Variants in PTPRT observed in about 807,000 individuals in gnomAD.
PTPRT encodes the protein protein tyrosine phosphatase receptor type T.
In PTPRT, 56 loss-of-function variants were observed where a neutral mutation model predicts 176.8. The observed-to-expected ratio is 0.32, with a 90% confidence interval of 0.26 to 0.40. The LOEUF is 0.40. PTPRT is among the 10% of genes least tolerant of loss of function. The pLI is 1.00. For synonymous variants in PTPRT, 783 were observed against 739.0 expected, an observed-to-expected ratio of 1.06 and a Z score of -0.96; for missense variants, 1,540 against 1,908.2, an observed-to-expected ratio of 0.81 and a Z score of 3.60.
At chr20:42,632,435 G>C (rs1261776298) in intron 7 of PTPRT, among the ~76,000 whole-genome samples, 1 of 151,916 alleles carries the variant, frequency 6.6e-6, no homozygotes, top group Non-Finnish European at 1.5e-5. Flanking sequence ...ATATTGGTTA[G>C]GCTGGTCTCG....
intron 8 of PTPRT, among the ~76,000 whole-genome samples, chr20:42,450,895 A>ACTC (rs534150816): frequency 4.5e-4 from 68 of 152,296 alleles, no homozygotes; most frequent in Non-Finnish European, 8.5e-4. Flanking sequence ...TTTAATCAGG[A>ACTC]CTCTGACATA....
chr20:42,530,236 C>G (rs540206643), intron 7 of PTPRT, among the ~76,000 whole-genome samples: 47 of 152,310 alleles, frequency 3.1e-4, no homozygotes, highest in Non-Finnish European at 5.9e-4. Flanking sequence ...CTGAAAGGAG[C>G]CCAGCCTTTA....
At chr20:42,406,649 T>C (rs2058963710) in intron 9 of PTPRT, among the ~76,000 whole-genome samples, 2 of 152,052 alleles carry the variant, frequency 1.3e-5, no homozygotes, top group Admixed American at 6.6e-5. Context: ...ATTTTATATA[T>C]CCAACATAAT....
chr20:42,377,368 C>G, intron 9 of PTPRT, among the ~76,000 whole-genome samples: 1 of 152,272 alleles, frequency 6.6e-6, no homozygotes, highest in African/African-American at 2.4e-5. Flanking sequence ...ACGTGGTGGT[C>G]CCTCTGGGCA....
At position 42,111,019 on chromosome 20, in the gene PTPRT, T is replaced by C. The variant is rs541706168; in HGVS notation, c.3100-532A>G. 1.2e-4 allele frequency among the ~76,000 whole-genome samples: 18 copies of C among 152,278 alleles called. No individual in the cohort carries two copies. In the South Asian group the frequency reaches 3.7e-3, roughly 32 times the overall value. Reference sequence around the variant, plus strand: ...ACTTCTTTATTAAGTAGATTCTTACTTAGAATGATTACATAAGATGCGAAA... The same window carrying C: ...ACTTCTTTATTAAGTAGATTCTTACCTAGAATGATTACATAAGATGCGAAA... On this transcript the variant is annotated intron_variant, in intron 22 of 30. Coordinates refer to ENST00000373187, the MANE Select transcript of PTPRT (RefSeq NM_007050.6).
chr20:42,707,785 C>T (rs1203294468), intron 6 of PTPRT, among the ~76,000 whole-genome samples: 2 of 152,172 alleles, frequency 1.3e-5, no homozygotes, highest in African/African-American at 4.8e-5. Flanking sequence ...AATACCCCAT[C>T]TCGAAAATCA....
At chr20:42,162,666 C>A (rs1022174541) in intron 16 of PTPRT, among the ~76,000 whole-genome samples, 95 of 152,242 alleles carry the variant, frequency 6.2e-4, no homozygotes, top group African/African-American at 2.2e-3. Flanking sequence ...ATGTGTCTCC[C>A]CCAGATGTTT....
intron 30 of PTPRT, 134 bp downstream of exon 30, chr20:42,081,748 A>C: frequency 1.7e-6 from 2 of 1,204,166 alleles, no homozygotes; most frequent in South Asian, 2.8e-5. Context: ...ACAACAGTGC[A>C]TACCAAGGGC....
intron 1 of PTPRT, among the ~76,000 whole-genome samples, chr20:43,052,520 A>T (rs1201881051): frequency 1.3e-5 from 2 of 152,256 alleles, no homozygotes; most frequent in African/African-American, 4.8e-5. Flanking sequence ...TAATTGCACA[A>T]TTCTGAACTT....
the PTPRT span, among the ~76,000 whole-genome samples, chr20:42,041,374 G>A: frequency 0.61 from 92,240 of 152,026 alleles, 28,678 homozygotes; most frequent in African/African-American, 0.73. Flanking sequence ...GGAATGGTGA[G>A]CATTTCTGCC....
rs550455910 is a variant in PTPRT, at chr20:42,364,519, AT to A, written c.1561-12235del. Reference sequence around the variant, plus strand: ...CTCCTTCTTACTAGAAGAGATGAACATTTTTTTTTCTCCCTTCTTGGTTAAA... The same window carrying A: ...CTCCTTCTTACTAGAAGAGATGAACATTTTTTTTCTCCCTTCTTGGTTAAA... On this transcript the variant is annotated intron_variant, in intron 9 of 30. Transcript: ENST00000373187. Among the ~76,000 whole-genome samples, 517 of 151,508 alleles carry A rather than the reference AT, an allele frequency of 3.4e-3. 3 individuals carry two copies. The highest frequency in any genetic ancestry group is 0.012 in the African/African-American group (484 of 41,326).
intron 1 of PTPRT, among the ~76,000 whole-genome samples, chr20:43,021,374 C>T (rs972162472): frequency 6.6e-6 from 1 of 152,144 alleles, no homozygotes; most frequent in Admixed American, 6.5e-5. Context: ...CTGGTCTTTT[C>T]CCTCAGGTTA....
chr20:42,517,268 A>T (rs975642693), intron 7 of PTPRT, among the ~76,000 whole-genome samples: 1 of 152,082 alleles, frequency 6.6e-6, no homozygotes, highest in African/African-American at 2.4e-5. Flanking sequence ...TTTTTCTACA[A>T]TTCACTCATT....
At chr20:42,292,729 A>G (rs547996565) in intron 12 of PTPRT, among the ~76,000 whole-genome samples, 1 of 152,280 alleles carries the variant, frequency 6.6e-6, no homozygotes, top group East Asian at 1.9e-4. Context: ...TTTGGAAAAC[A>G]GGCTAAGTGG....
intron 15 of PTPRT, among the ~76,000 whole-genome samples, chr20:42,211,638 C>T (rs2055632439): frequency 6.8e-6 from 1 of 147,764 alleles, no homozygotes; most frequent in Non-Finnish European, 1.5e-5. Context: ...ATTAAAAAGT[C>T]AGGAAACAAC....
rs1988321725 is a variant in PTPRT at position 42,135,361 on chromosome 20, T to C, written c.2771-6531A>G. On this transcript the variant is annotated intron_variant, in intron 18 of 30. Coordinates refer to ENST00000373187, the MANE Select transcript of PTPRT (RefSeq NM_007050.6). Reference sequence around the variant, plus strand: ...CTATATAAATTCAGTTTTGTTTTTATTCTAGACCTGGGCCAATGGCATCAG... The same window carrying C: ...CTATATAAATTCAGTTTTGTTTTTACTCTAGACCTGGGCCAATGGCATCAG... Among the ~76,000 whole-genome samples the C allele has an allele frequency of 2.0e-5, 3 of 152,268 alleles. No individual in the cohort carries two copies. In the South Asian group the frequency reaches 6.2e-4, roughly 31 times the overall value.
At chr20:43,000,729 C>A (rs549876196) in intron 1 of PTPRT, among the ~76,000 whole-genome samples, 2 of 151,676 alleles carry the variant, frequency 1.3e-5, no homozygotes, top group Non-Finnish European at 2.9e-5. Context: ...AAAAAATAAA[C>A]AACAAGGATC....
chr20:42,594,579 G>T lies in PTPRT; in HGVS notation c.1153+83287C>A, dbSNP rs140582416. On this transcript the variant is annotated intron_variant, in intron 7 of 30. Transcript: ENST00000373187. ...TACATACACCTCTATGTACAATAGG[G>T]AAATCAGATTTTGCCTGAGAGATGT... Among the ~76,000 whole-genome samples the T allele has an allele frequency of 3.6e-3, 553 of 152,132 alleles. 2 individuals are homozygous for T. The highest frequency in any genetic ancestry group is 0.013 in the African/African-American group (533 of 41,486).
intron 16 of PTPRT, among the ~76,000 whole-genome samples, chr20:42,181,447 C>A (rs975803976): frequency 8.5e-5 from 13 of 152,148 alleles, no homozygotes; most frequent in Non-Finnish European, 1.8e-4. Flanking sequence ...TTAGGACTTT[C>A]TAAGAAATGG....
Sources: gnomAD v4.1 joint callset for allele counts (sites outside exome capture counted in the v4.1 genomes callset) on GRCh38, gnomAD v4.1.1 for gene constraint, MANE v1.5 for transcripts, NCBI Gene and HGNC (gene_info 2026-07-23, HGNC 2026-07-21) for gene names.